CNTNAP2: variants seen among roughly 807,000 people sequenced by gnomAD.
CNTNAP2 encodes the protein contactin-associated protein-like 2.
In CNTNAP2, 98 loss-of-function variants were observed where a neutral mutation model predicts 155.2. The observed-to-expected ratio is 0.63, with a 90% CI of 0.54 to 0.75. CNTNAP2 has a LOEUF of 0.75. CNTNAP2 is among the 30% of genes least tolerant of loss of function. The pLI is 0.00. For missense variants in CNTNAP2, 1,727 were observed against 1,688.1 expected, an observed-to-expected ratio of 1.02 and a Z score of -0.40; for synonymous variants, 651 against 631.2, an observed-to-expected ratio of 1.03 and a Z score of -0.47.
intron 11 of CNTNAP2, among the ~76,000 whole-genome samples, chr7:147,510,339 C>T (rs1461419552): frequency 1.3e-5 from 2 of 152,096 alleles, no homozygotes; most frequent in African/African-American, 4.8e-5. Context: ...GCCATGCAGA[C>T]TTTCCATTAC....
At position 147,897,477 on chromosome 7, in the gene CNTNAP2, T is replaced by C. The variant is rs142281480; in HGVS notation, c.2099-6088T>C. Among the ~76,000 whole-genome samples, 25 of 152,324 alleles carry C rather than the reference T, an allele frequency of 1.6e-4. No individual in the cohort carries two copies. The East Asian group carries it at 4.8e-3, about 29-fold the overall frequency. On this transcript the variant is annotated intron_variant, in intron 13 of 23. Transcript: ENST00000361727. Reference sequence around the variant, plus strand: ...GTCCTCTAGTTTCCAAAAACAGTGATACTAACCAAAAATTCCTTTGAGAGA... The same window carrying C: ...GTCCTCTAGTTTCCAAAAACAGTGACACTAACCAAAAATTCCTTTGAGAGA...
At chr7:146,808,991 A>G (rs1563239979) in intron 2 of CNTNAP2, among the ~76,000 whole-genome samples, 2 of 152,170 alleles carry the variant, frequency 1.3e-5, no homozygotes, top group African/African-American at 4.8e-5. Context: ...TGTTGTTTCC[A>G]TATCTTGGCT....
At chr7:147,639,360 A>T in intron 13 of CNTNAP2, 54 bp downstream of exon 13, 1 of 1,541,268 alleles carries the variant, frequency 6.5e-7, no homozygotes, top group Non-Finnish European at 8.9e-7. Flanking sequence ...GGTGCTTAGA[A>T]TTGCCTAAAG....
chr7:146,134,806 G>A lies in CNTNAP2; in HGVS notation c.97+17833G>A, dbSNP rs568319765. On this transcript the variant is annotated intron_variant, in intron 1 of 23. Transcript: ENST00000361727. ...AGCTTTTTGATGTGCTGCTGGATTCGGTTTGCCAGTATTTTATTGAGGATT... is the reference window on the plus strand; with the variant it reads ...AGCTTTTTGATGTGCTGCTGGATTCAGTTTGCCAGTATTTTATTGAGGATT... Among the ~76,000 whole-genome samples, 767 of 151,758 alleles carry A rather than the reference G, an allele frequency of 5.1e-3. 5 individuals carry two copies. The highest frequency in any genetic ancestry group is 0.018 in the African/African-American group (725 of 41,374).
intron 10 of CNTNAP2, among the ~76,000 whole-genome samples, chr7:147,397,864 C>A (rs1229736078): frequency 1.3e-5 from 2 of 151,066 alleles, no homozygotes; most frequent in Non-Finnish European, 2.9e-5. Context: ...CTTTCTTATT[C>A]TTTAGGATGA....
intron 1 of CNTNAP2, among the ~76,000 whole-genome samples, chr7:146,426,577 A>C (rs1796095021): frequency 6.6e-6 from 1 of 150,906 alleles, no homozygotes; most frequent in Admixed American, 6.6e-5. Context: ...CAGTTAAATC[A>C]GTTTTAAGCC....
chr7:146,760,573 C>T (rs1272521386), intron 1 of CNTNAP2, among the ~76,000 whole-genome samples: 2 of 151,646 alleles, frequency 1.3e-5, no homozygotes, highest in Non-Finnish European at 2.9e-5. Flanking sequence ...TACAGGCACA[C>T]ACCATCACGC....
chr7:147,333,119 T>G (rs1326884123), intron 9 of CNTNAP2, among the ~76,000 whole-genome samples: 1 of 152,114 alleles, frequency 6.6e-6, no homozygotes, highest in Non-Finnish European at 1.5e-5. Flanking sequence ...ATTGGGAAAC[T>G]GATCTAGGAA....
chr7:148,036,347 T>G (rs1008652882), intron 15 of CNTNAP2, among the ~76,000 whole-genome samples: 14 of 152,114 alleles, frequency 9.2e-5, no homozygotes, highest in Non-Finnish European at 1.6e-4. Context: ...AATTCAGCAG[T>G]GTTGGGAGGT....
intron 2 of CNTNAP2, among the ~76,000 whole-genome samples, chr7:146,814,373 T>G (rs2129194563): frequency 6.6e-6 from 1 of 152,222 alleles, no homozygotes; most frequent in African/African-American, 2.4e-5. Context: ...GTTTTAGTAT[T>G]AAGGAAATAA....
intron 9 of CNTNAP2, among the ~76,000 whole-genome samples, chr7:147,326,191 T>C (rs886955141): frequency 2.0e-5 from 3 of 152,238 alleles, no homozygotes; most frequent in Non-Finnish European, 4.4e-5. Context: ...CCCAAAGTGC[T>C]GGGATTACAG....
intron 14 of CNTNAP2, among the ~76,000 whole-genome samples, chr7:147,975,482 T>G (rs1801413850): frequency 6.6e-6 from 1 of 152,102 alleles, no homozygotes; most frequent in African/African-American, 2.4e-5. Flanking sequence ...TTCCACCATT[T>G]AAAGACCTTG....
intron 15 of CNTNAP2, among the ~76,000 whole-genome samples, chr7:148,094,647 G>A (rs939680730): frequency 6.6e-6 from 1 of 152,196 alleles, no homozygotes; most frequent in African/African-American, 2.4e-5. Context: ...ACCTGATTTT[G>A]CATGGGCATG....
intron 20 of CNTNAP2, among the ~76,000 whole-genome samples, chr7:148,246,924 AT>A (rs1796272366): frequency 6.6e-6 from 1 of 152,194 alleles, no homozygotes; most frequent in South Asian, 2.1e-4. Context: ...GAACATAGTT[AT>A]TTGTATTCAA....
chr7:147,040,324 C>T lies in CNTNAP2; in HGVS notation c.403-3583C>T, dbSNP rs144540665. 3.8e-3 allele frequency among the ~76,000 whole-genome samples: 576 copies of T among 152,038 alleles called. 8 individuals are homozygous for T. The highest frequency in any genetic ancestry group is 0.014 in the Middle Eastern group (4 of 292). On this transcript the variant is annotated intron_variant, in intron 3 of 23. Coordinates refer to ENST00000361727, the MANE Select transcript of CNTNAP2 (RefSeq NM_014141.6). ...TGAATGAAAGGTGAATGAATAAATA[C>T]GTAAGTAAATGTATGAATGAAGCAT...
chr7:146,395,782 TA>T (rs66809487), intron 1 of CNTNAP2, among the ~76,000 whole-genome samples: 4,150 of 87,662 alleles, frequency 0.047, 175 homozygotes, highest in African/African-American at 0.15. Flanking sequence ...AGACAGATGA[TA>T]GATAGATAGA....
chr7:146,673,951 C>G (rs1447355448), intron 1 of CNTNAP2, among the ~76,000 whole-genome samples: 1 of 152,212 alleles, frequency 6.6e-6, no homozygotes, highest in Non-Finnish European at 1.5e-5. Context: ...TACTTACATT[C>G]TGTACATAAC....
chr7:146,129,881 A>G (rs1167812721), intron 1 of CNTNAP2, among the ~76,000 whole-genome samples: 1 of 152,192 alleles, frequency 6.6e-6, no homozygotes, highest in African/African-American at 2.4e-5. Context: ...GTCCACAGGT[A>G]AGGTCATCAG....
At chr7:148,242,823 T>C (rs1796183427) in intron 20 of CNTNAP2, among the ~76,000 whole-genome samples, 1 of 152,252 alleles carries the variant, frequency 6.6e-6, no homozygotes, top group Non-Finnish European at 1.5e-5. Flanking sequence ...AGCTTGGCTA[T>C]TTGAAAGTGC....
Sources: allele counts gnomAD v4.1 joint callset (sites outside exome capture counted in the v4.1 genomes callset), GRCh38; gene constraint gnomAD v4.1.1; transcripts MANE v1.5; gene names NCBI Gene and HGNC (gene_info 2026-07-23, HGNC 2026-07-21).